The following NUBPL variants were observed in gnomAD, a reference collection of about 807,000 sequenced individuals.
NUBPL encodes the protein iron-sulfur cluster transfer protein NUBPL.
A neutral mutation model predicts 45.7 loss-of-function variants in NUBPL; 31 were observed. The ratio of observed to expected loss-of-function variants is 0.68; its 90% CI spans 0.51 to 0.92. NUBPL has a LOEUF of 0.92. Ranked by LOEUF, NUBPL falls within the 40% of genes least tolerant of loss-of-function variation. The pLI is 0.00. For synonymous variants in NUBPL, 144 were observed against 140.9 expected (o/e 1.02, Z -0.15); for missense variants, 401 against 398.7 (o/e 1.01, Z -0.05).
At chr14:31,784,342 T>TGTGATAGTC (rs1355637234) in intron 6 of NUBPL, among the ~76,000 whole-genome samples, 1 of 152,164 alleles carries the variant, frequency 6.6e-6, no homozygotes, top group Non-Finnish European at 1.5e-5. Context: ...CTTAAGACAA[T>TGTGATAGTC]GTGATAGTCA....
chr14:31,808,257 A>G (rs1178852429), intron 7 of NUBPL, among the ~76,000 whole-genome samples: 2 of 152,212 alleles, frequency 1.3e-5, no homozygotes, highest in Non-Finnish European at 2.9e-5. Context: ...ATCCATGAGC[A>G]TGGAATGTTC....
chr14:31,763,471 C>A (rs1327075195), intron 6 of NUBPL, among the ~76,000 whole-genome samples: 1 of 151,916 alleles, frequency 6.6e-6, no homozygotes, highest in East Asian at 1.9e-4. Flanking sequence ...CTTTTTTTCC[C>A]CTTATGTGTT....
At chr14:31,760,074 C>T (rs2038765655) in intron 6 of NUBPL, among the ~76,000 whole-genome samples, 2 of 148,748 alleles carry the variant, frequency 1.3e-5, no homozygotes, top group Non-Finnish European at 3.0e-5. Flanking sequence ...TAGAGTTGTA[C>T]AATAGAGTTC....
intron 3 of NUBPL, among the ~76,000 whole-genome samples, chr14:31,584,510 T>G (rs1272458012): frequency 6.6e-6 from 1 of 152,184 alleles, no homozygotes; most frequent in Admixed American, 6.5e-5. Context: ...TCAGTGGCTT[T>G]TAGTATATTT....
Position 31,771,506 on chromosome 14 carries a change from T to C in NUBPL, c.514-16274T>C, listed in dbSNP as rs528990868. ...TTATGAGGATGTGTTAGCAGAACTC[T>C]TCAGGGATTTGAAGAACAGTGATGC... On this transcript the variant is annotated intron_variant, in intron 6 of 10. Transcript: ENST00000281081. Among the ~76,000 whole-genome samples the C allele has an allele frequency of 1.9e-3, 287 of 152,276 alleles. 1 individual carries two copies. The highest frequency in any genetic ancestry group is 3.3e-3 in the Non-Finnish European group (226 of 68,014).
At chr14:31,771,220 A>G (rs1437665316) in intron 6 of NUBPL, among the ~76,000 whole-genome samples, 1 of 152,128 alleles carries the variant, frequency 6.6e-6, no homozygotes, top group Non-Finnish European at 1.5e-5. Flanking sequence ...CATGGTAACT[A>G]GGATACTTGC....
intron 6 of NUBPL, among the ~76,000 whole-genome samples, chr14:31,724,624 C>T (rs560670148): frequency 2.0e-5 from 3 of 152,250 alleles, no homozygotes; most frequent in African/African-American, 7.2e-5. Flanking sequence ...AAGAATTTTG[C>T]TCTGCTTTTT....
intron 6 of NUBPL, among the ~76,000 whole-genome samples, chr14:31,748,249 G>A (rs2038443794): frequency 6.6e-6 from 1 of 152,184 alleles, no homozygotes; most frequent in Non-Finnish European, 1.5e-5. Context: ...TGGTCCATGT[G>A]CTGATGAGAA....
At chr14:31,633,403 G>A (rs1170571427) in intron 4 of NUBPL, among the ~76,000 whole-genome samples, 1 of 152,194 alleles carries the variant, frequency 6.6e-6, no homozygotes, top group Non-Finnish European at 1.5e-5. Flanking sequence ...GTAGAAATTA[G>A]TCGTAGTTTT....
At chr14:31,589,179 TTAGATGC>T (rs2034075662) in intron 3 of NUBPL, among the ~76,000 whole-genome samples, 2 of 152,142 alleles carry the variant, frequency 1.3e-5, no homozygotes, top group Non-Finnish European at 1.5e-5. Context: ...TTACCTGGGC[TTAGATGC>T]TAACATTTTT....
intron 6 of NUBPL, among the ~76,000 whole-genome samples, chr14:31,683,812 A>G (rs1226642294): frequency 6.6e-6 from 1 of 151,100 alleles, no homozygotes; most frequent in Non-Finnish European, 1.5e-5. Flanking sequence ...CTCAGTTTTT[A>G]TTTATTGGAA....
Position 31,816,572 on chromosome 14 carries a change from CT to C in NUBPL, c.608-10053del, listed in dbSNP as rs1180113145. Among the ~76,000 whole-genome samples, 3 of 152,128 alleles carry C rather than the reference CT, an allele frequency of 2.0e-5. No homozygotes were observed. In the South Asian group the frequency reaches 6.2e-4, roughly 32 times the overall value. ...TTAGTTATTTCTTGTCTTCTGCTAGCTTTTGAATTTGTTTCCTCTTGCTTCT... is the reference window on the plus strand; with the variant it reads ...TTAGTTATTTCTTGTCTTCTGCTAGCTTTGAATTTGTTTCCTCTTGCTTCT... On this transcript the variant is annotated intron_variant, in intron 7 of 10. Transcript: ENST00000281081.
chr14:31,733,601 A>G (rs11156702), intron 6 of NUBPL, among the ~76,000 whole-genome samples: 85,093 of 151,984 alleles, frequency 0.56, 26,422 homozygotes, highest in African/African-American at 0.85. Context: ...TGTGTTTCTA[A>G]TACAAAGAAA....
At chr14:31,574,748 A>C (rs189453281) in intron 3 of NUBPL, among the ~76,000 whole-genome samples, 1 of 144,382 alleles carries the variant, frequency 6.9e-6, no homozygotes, top group African/African-American at 2.6e-5. Context: ...TGCCCAGCTA[A>C]TTTTTGTATT....
intron 7 of NUBPL, among the ~76,000 whole-genome samples, chr14:31,789,613 G>A (rs1455668052): frequency 6.6e-6 from 1 of 151,934 alleles, no homozygotes; most frequent in East Asian, 1.9e-4. Flanking sequence ...AAAGATTTCT[G>A]GGAAAATAAT....
chr14:31,847,868 C>T (rs544214365), intron 9 of NUBPL, among the ~76,000 whole-genome samples: 16 of 152,276 alleles, frequency 1.1e-4, no homozygotes, highest in African/African-American at 3.6e-4. Context: ...TTATATTCTG[C>T]AACTGTTTTT....
intron 6 of NUBPL, among the ~76,000 whole-genome samples, chr14:31,691,873 T>C (rs959953914): frequency 6.6e-6 from 1 of 152,186 alleles, no homozygotes; most frequent in East Asian, 1.9e-4. Flanking sequence ...ATGAAGTCTC[T>C]TGGTTTCAAC....
chr14:31,683,014 G>T (rs891566280), intron 6 of NUBPL, among the ~76,000 whole-genome samples: 1 of 76,876 alleles, frequency 1.3e-5, no homozygotes, highest in African/African-American at 5.7e-5. Context: ...GAGGTGCTAG[G>T]TTCCTTTTTT....
intron 3 of NUBPL, among the ~76,000 whole-genome samples, chr14:31,565,708 G>A (rs960483571): frequency 3.9e-5 from 6 of 151,968 alleles, no homozygotes; most frequent in Non-Finnish European, 7.4e-5. Context: ...ATGCTATGGT[G>A]GAGTTCTTAA....
Sources: allele counts gnomAD v4.1 joint callset (sites outside exome capture counted in the v4.1 genomes callset), GRCh38; gene constraint gnomAD v4.1.1; transcripts MANE v1.5; gene names NCBI Gene and HGNC (gene_info 2026-07-23, HGNC 2026-07-21).